MEST: variants seen among roughly 807,000 people sequenced by gnomAD.
MEST encodes mesoderm specific transcript, also known as mesoderm-specific transcript homolog protein.
In MEST, 18 loss-of-function variants were observed where a neutral mutation model predicts 50.9. The ratio of observed to expected loss-of-function variants is 0.35; its 90% CI spans 0.24 to 0.52. MEST has a LOEUF of 0.52. MEST is among the 20% of genes least tolerant of loss of function. The probability of loss-of-function intolerance (pLI) is 0.94; values close to 1 mark genes in which losing one functional copy is unlikely to be tolerated. For synonymous variants in MEST, 130 were observed against 154.1 expected (o/e 0.84, Z 1.16); for missense variants, 282 against 425.3 (o/e 0.66, Z 2.96).
At position 130,492,373 on chromosome 7, in the gene MEST, G is replaced by C. The variant is rs1055329333; in HGVS notation, c.26+34G>C. ...GCGGTGGGAACGAGGGGGTGTGGCT[G>C]GCGGCCCTGGGACTAGGGCGCAGGC... is the stretch of plus-strand genomic sequence containing the variant. On this transcript the variant is annotated intron_variant, in intron 1 of 11. Coordinates refer to ENST00000223215, the MANE Select transcript of MEST (RefSeq NM_002402.4). The surrounding 1 kb of genome is among the most constrained non-coding windows in gnomAD (Gnocchi z 7.6). 2 of 1,288,432 alleles carry C rather than the reference G, an allele frequency of 1.6e-6. No homozygotes were observed. Among genetic ancestry groups the C allele is most frequent in the South Asian group, 5.7e-5 (2 of 35,014 alleles). 79.8% of individuals were successfully genotyped at this position (1,288,432 alleles called of 1,614,324 possible).
chr7:130,498,195 G>C lies in MEST; in HGVS notation c.396G>C (p.Arg132=). Reference sequence around the variant, plus strand: ...CCAGCATCGTGGAAGCGCTTTTGCGGCATCTGGGGCTCCAGAACCGCAGGA... The same window carrying C: ...CCAGCATCGTGGAAGCGCTTTTGCGCCATCTGGGGCTCCAGAACCGCAGGA... ...EQASIVEALL[R]HLGLQNRRIN... is the part of the protein sequence containing the mutation. The change falls in exon 5 of 12, where the codon CGG becomes CGC. Residue 132 remains arginine (R), a synonymous_variant. Transcript: ENST00000223215. 1 of 1,614,146 alleles carries C rather than the reference G, an allele frequency of 6.2e-7. No individual in the cohort carries two copies. Among genetic ancestry groups the C allele is most frequent in the African/African-American group, 1.3e-5 (1 of 75,032 alleles).
chr7:130,501,548 C>T, intron 9 of MEST, among the ~76,000 whole-genome samples: 1 of 152,132 alleles, frequency 6.6e-6, no homozygotes, highest in East Asian at 1.9e-4. Context: ...TTGAGGTTCA[C>T]AAAAATAACT....
At position 130,499,313 on chromosome 7, in the gene MEST, T is replaced by G. The variant is rs548698046; in HGVS notation, c.536-562T>G. On this transcript the variant is annotated intron_variant, in intron 6 of 11. Coordinates refer to ENST00000223215, the MANE Select transcript of MEST (RefSeq NM_002402.4). Reference sequence around the variant, plus strand: ...TTTATCACTTATGCTCATGGCTTTCTTCCACTGACTCTGAAGAGAAAGGGA... The same window carrying G: ...TTTATCACTTATGCTCATGGCTTTCGTCCACTGACTCTGAAGAGAAAGGGA... 9.2e-5 allele frequency among the ~76,000 whole-genome samples: 14 copies of G among 152,348 alleles called. No individual in the cohort carries two copies. The South Asian group carries it at 2.9e-3, about 32-fold the overall frequency.
intron 2 of MEST, chr7:130,496,365 C>T: frequency 3.0e-6 from 1 of 337,806 alleles, no homozygotes; most frequent in South Asian, 2.3e-5. Context: ...ATTTTATTTG[C>T]ACAGATTCTC....
In MEST at chr7:130,495,410, C is replaced by T; in HGVS notation, c.69C>T (p.Pro23=). 2 of 1,613,480 alleles carry T rather than the reference C, an allele frequency of 1.2e-6. No homozygotes were observed. Among genetic ancestry groups the T allele is most frequent in the Non-Finnish European group, 1.7e-6 (2 of 1,179,726 alleles). ...TCCAGGTGGGGCTGCTGGCCGTGCCCCTGCTTGCTGCGTACCTGCACATCC... is the reference window on the plus strand; with the variant it reads ...TCCAGGTGGGGCTGCTGGCCGTGCCTCTGCTTGCTGCGTACCTGCACATCC... ...WWVQVGLLAV[P]LLAAYLHIPP... The change falls in exon 2 of 12, where the codon CCC becomes CCT. Residue 23 remains proline, a synonymous_variant. Coordinates refer to ENST00000223215, the MANE Select transcript of MEST (RefSeq NM_002402.4).
intron 11 of MEST, among the ~76,000 whole-genome samples, chr7:130,504,715 AGTT>A (rs1263294960): frequency 2.0e-5 from 3 of 152,202 alleles, no homozygotes; most frequent in Non-Finnish European, 2.9e-5. Flanking sequence ...TATATTTTCA[AGTT>A]GTTGTTTGTT....
rs1554435611 is a variant in MEST at position 130,492,392 on chromosome 7, C to T, written c.26+53C>T. The stretch of plus-strand genomic sequence containing the variant: ...GTGGCTGGCGGCCCTGGGACTAGGG[C>T]GCAGGCGAGCGGAGGACTGTGTGCC... On this transcript the variant is annotated intron_variant, in intron 1 of 11. Transcript: ENST00000223215. The surrounding 1 kb of genome is among the most constrained non-coding windows in gnomAD (Gnocchi z 7.6). 3.2e-6 allele frequency: 4 copies of T among 1,244,622 alleles called. No homozygotes were observed. The highest frequency in any genetic ancestry group is 6.2e-5 in the East Asian group (2 of 32,264). 77.1% of individuals were successfully genotyped at this position (1,244,622 alleles called of 1,614,324 possible). A position where few individuals can be genotyped will look rare whatever the true frequency, so the allele number is the denominator to read the frequency against.
At chr7:130,496,847 G>C (rs1313922863) in intron 2 of MEST, 1 of 198,002 alleles carries the variant, frequency 5.1e-6, no homozygotes. Flanking sequence ...GAAAAAATTT[G>C]CATATTACAG....
upstream of MEST, chr7:130,487,287 T>C (rs1260063696): frequency 6.6e-6 from 1 of 152,128 alleles, no homozygotes; most frequent in African/African-American, 2.4e-5. Context: ...CAAGATTCTA[T>C]TACTTAATTA....
chr7:130,492,486 C>G lies in MEST; in HGVS notation c.26+147C>G, dbSNP rs1272251380. ...AGGCGGCACGCATTCCGCGCCCGCTCTGCCTACTTGAGGAGGGGGTGTCAC... is the reference window on the plus strand; with the variant it reads ...AGGCGGCACGCATTCCGCGCCCGCTGTGCCTACTTGAGGAGGGGGTGTCAC... On this transcript the variant is annotated intron_variant, in intron 1 of 11. Transcript: ENST00000223215. This position sits in a 1 kb window ranked among gnomAD's most constrained non-coding sequence, Gnocchi z 7.6. 1.7e-6 allele frequency: 1 copy of G among 592,236 alleles called. No individual in the cohort carries two copies. Among genetic ancestry groups the G allele is most frequent in the Non-Finnish European group, 2.5e-6 (1 of 404,156 alleles). 36.7% of individuals were successfully genotyped at this position (592,236 alleles called of 1,614,324 possible).
At chr7:130,498,535 T>C in intron 6 of MEST, 58 bp downstream of exon 6, 1 of 1,438,088 alleles carries the variant, frequency 7.0e-7, no homozygotes, top group South Asian at 1.1e-5. Context: ...CATCTTTAGA[T>C]ACAGCGGCAC....
chr7:130,504,335 A>G (rs1403145679), intron 11 of MEST, among the ~76,000 whole-genome samples: 2 of 152,220 alleles, frequency 1.3e-5, no homozygotes, highest in African/African-American at 4.8e-5. Context: ...TTGTAAAGCC[A>G]ATTCATTGGT....
In MEST at chr7:130,503,977, G is replaced by A; in HGVS notation, c.871G>A (p.Glu291Lys). 1.2e-6 allele frequency: 2 copies of A among 1,613,292 alleles called. No individual in the cohort carries two copies. Among genetic ancestry groups the A allele is most frequent in the Non-Finnish European group, 1.7e-6 (2 of 1,179,342 alleles). Residue 291 changes from glutamate (E) to lysine (K), a missense_variant, in exon 11 of 12, where the codon GAG becomes AAG. Coordinates refer to ENST00000223215, the MANE Select transcript of MEST (RefSeq NM_002402.4). ...ATTGGATCCTGTAAATCCCTATCCA[G>A]AGTTTTTGGAGCTGTACAGGTGAGT... ...GPLDPVNPYP[E>K]FLELYRKTLP...
chr7:130,506,254 G>GTGTT lies in MEST; in HGVS notation c.*1200_*1203dup, dbSNP rs1261266783. On this transcript the variant is annotated 3_prime_UTR_variant, in exon 12 of 12. Coordinates refer to ENST00000223215, the MANE Select transcript of MEST (RefSeq NM_002402.4). ...TATAACAACTTTGAAACTGGAATAA[G>GTGTT]TGTTTATTTTCTATTAATAAAAATG... 6.6e-6 allele frequency: 1 copy of GTGTT among 152,116 alleles called. No individual in the cohort carries two copies. The highest frequency in any genetic ancestry group is 2.4e-5 in the African/African-American group (1 of 41,368). The allele number at this position is 152,116 out of a possible 1,614,324, so 9.4% of individuals were successfully genotyped here.
At chr7:130,499,194 T>G (rs1554437976) in intron 6 of MEST, among the ~76,000 whole-genome samples, 1 of 152,178 alleles carries the variant, frequency 6.6e-6, no homozygotes, top group African/African-American at 2.4e-5. Context: ...AACCCCTGAT[T>G]AGACTTTCTG....
intron 9 of MEST, among the ~76,000 whole-genome samples, chr7:130,501,744 G>A (rs782077173): frequency 5.3e-5 from 8 of 152,026 alleles, no homozygotes; most frequent in Non-Finnish European, 1.0e-4. Flanking sequence ...AGTGGCTCAC[G>A]CCTGTAATTT....
intron 1 of MEST, chr7:130,494,874 T>G: frequency 1.0e-6 from 1 of 974,230 alleles, no homozygotes; most frequent in Non-Finnish European, 1.2e-6. Flanking sequence ...CACACACTCT[T>G]TAAAACATGA....
Position 130,492,710 on chromosome 7 carries a change from ATT to A in MEST, c.26+375_26+376del, listed in dbSNP as rs1798876053. On this transcript the variant is annotated intron_variant, in intron 1 of 11. Coordinates refer to ENST00000223215, the MANE Select transcript of MEST (RefSeq NM_002402.4). This position sits in a 1 kb window ranked among gnomAD's most constrained non-coding sequence, Gnocchi z 7.6. ...TGGCATCACCCTGGTGCGATTTAGG[ATT>A]TTTATACTCAGTCATTGCTGCAGCA... The A allele has an allele frequency of 4.9e-6, 1 of 205,984 alleles. No individual in the cohort carries two copies. Among genetic ancestry groups the A allele is most frequent in the Non-Finnish European group, 9.7e-6 (1 of 103,274 alleles). 12.8% of individuals were successfully genotyped at this position (205,984 alleles called of 1,614,324 possible). A position where few individuals can be genotyped will look rare whatever the true frequency, so the allele number is the denominator to read the frequency against.
intron 2 of MEST, chr7:130,496,266 G>T: frequency 2.3e-6 from 1 of 427,204 alleles, no homozygotes. Flanking sequence ...TACTGTTTTA[G>T]AAAACTAATG....
Sources: gnomAD v4.1 joint callset for allele counts (sites outside exome capture counted in the v4.1 genomes callset) on GRCh38, gnomAD v4.1.1 for gene constraint, Gnocchi (gnomAD v3.1) non-coding constraint, MANE v1.5 for transcripts, NCBI Gene and HGNC (gene_info 2026-07-23, HGNC 2026-07-21) for gene names.